The following KIF1A variants were observed in gnomAD, a reference collection of about 807,000 sequenced individuals.
KIF1A encodes kinesin family member 1A.
In KIF1A, 46 loss-of-function variants were observed where a neutral mutation model predicts 227.3. The ratio of observed to expected loss-of-function variants is 0.20; its 90% CI spans 0.16 to 0.26. KIF1A has a LOEUF of 0.26. KIF1A is among the 10% of genes least tolerant of loss of function. The pLI is 1.00. For synonymous variants in KIF1A, 1,022 were observed against 1,012.8 expected (o/e 1.01, Z -0.17); for missense variants, 1,683 against 2,485.9 (o/e 0.68, Z 6.87).
chr2:240,754,232 G>C (rs2049561664), intron 27 of KIF1A, among the ~76,000 whole-genome samples: 1 of 152,198 alleles, frequency 6.6e-6, no homozygotes, highest in Non-Finnish European at 1.5e-5. Flanking sequence ...AAGGACCCCG[G>C]AGGTCTGACA....
intron 28 of KIF1A, among the ~76,000 whole-genome samples, chr2:240,748,919 G>C (rs781577334): frequency 6.6e-6 from 1 of 152,080 alleles, no homozygotes; most frequent in Non-Finnish European, 1.5e-5. Flanking sequence ...TCAGGAGTTC[G>C]AGAGCAGCCT....
Position 240,793,790 on chromosome 2 carries a change from C to T in KIF1A, c.106+3857G>A, listed in dbSNP as rs956530061. 6.6e-6 allele frequency among the ~76,000 whole-genome samples: 1 copy of T among 152,226 alleles called. No individual in the cohort carries two copies. Among genetic ancestry groups the T allele is most frequent in the Non-Finnish European group, 1.5e-5 (1 of 68,048 alleles). ...TGCGTCACAGCGGAGCTACAAGGCA[C>T]GCTTTAGAGAGTGGGGCCTCTCCTC... On this transcript the variant is annotated intron_variant, in intron 2 of 48. Coordinates refer to ENST00000498729, the MANE Select transcript of KIF1A (RefSeq NM_001244008.2). This position sits in a 1 kb window ranked among gnomAD's most constrained non-coding sequence, Gnocchi z 4.8.
chr2:240,812,056 A>C (rs1575675821), intron 1 of KIF1A, among the ~76,000 whole-genome samples: 1 of 152,310 alleles, frequency 6.6e-6, no homozygotes, highest in South Asian at 2.1e-4. Flanking sequence ...AGAGGGGAAC[A>C]GAATCCATTC....
rs537943118 is a variant in KIF1A at position 240,788,982 on chromosome 2, G to A, written c.183+254C>T. Reference sequence around the variant, plus strand: ...TGACTTTGGGATGTCTGGGGGAAAAGTCACCAGCAGATGGACGTACACACA... The same window carrying A: ...TGACTTTGGGATGTCTGGGGGAAAAATCACCAGCAGATGGACGTACACACA... On this transcript the variant is annotated intron_variant, in intron 3 of 48. Coordinates refer to ENST00000498729, the MANE Select transcript of KIF1A (RefSeq NM_001244008.2). This position sits in a 1 kb window ranked among gnomAD's most constrained non-coding sequence, Gnocchi z 6.6. Among the ~76,000 whole-genome samples, 206 of 152,238 alleles carry A rather than the reference G, an allele frequency of 1.4e-3. No homozygotes were observed. Among genetic ancestry groups the A allele is most frequent in the African/African-American group, 4.5e-3 (187 of 41,534 alleles).
chr2:240,749,238 A>T (rs1176767490), intron 28 of KIF1A, among the ~76,000 whole-genome samples: 1 of 152,220 alleles, frequency 6.6e-6, no homozygotes, highest in African/African-American at 2.4e-5. Flanking sequence ...CCAGGATAGC[A>T]GAGCCGGGAG....
At chr2:240,798,464 G>A (rs1458381019) in intron 1 of KIF1A, among the ~76,000 whole-genome samples, 1 of 152,250 alleles carries the variant, frequency 6.6e-6, no homozygotes, top group Non-Finnish European at 1.5e-5. Context: ...AGGAGAAGCA[G>A]GAGACAAGTC....
intron 10 of KIF1A, among the ~76,000 whole-genome samples, chr2:240,781,482 C>CACAT: frequency 7.1e-6 from 1 of 140,332 alleles, no homozygotes. Flanking sequence ...CACACACACA[C>CACAT]ACACAGCTCC....
In KIF1A at chr2:240,760,980, G is replaced by A. The variant is rs1175478029; in HGVS notation, c.2266-137C>T. ...GTTCACTGGAACCTTTCAGACAGCCGCCAGGGGGGACCACCTACTTCCTGC... is the reference window on the plus strand; with the variant it reads ...GTTCACTGGAACCTTTCAGACAGCCACCAGGGGGGACCACCTACTTCCTGC... On this transcript the variant is annotated intron_variant, in intron 24 of 48. Coordinates refer to ENST00000498729, the MANE Select transcript of KIF1A (RefSeq NM_001244008.2). 2.8e-5 allele frequency: 27 copies of A among 963,640 alleles called. No homozygotes were observed. In the East Asian group the frequency reaches 3.9e-4, roughly 14 times the overall value. 59.7% of individuals were successfully genotyped at this position (963,640 alleles called of 1,614,324 possible).
At chr2:240,742,806 G>T in intron 34 of KIF1A, 123 bp downstream of exon 34, 1 of 868,782 alleles carries the variant, frequency 1.2e-6, no homozygotes, top group Non-Finnish European at 1.8e-6. Context: ...GGTGGCGCCA[G>T]AGTGCCTGGG....
intron 1 of KIF1A, among the ~76,000 whole-genome samples, chr2:240,818,503 C>A (rs977925444): frequency 1.3e-5 from 2 of 152,220 alleles, no homozygotes; most frequent in Non-Finnish European, 2.9e-5. Flanking sequence ...TGGCCCATCC[C>A]ACACCCTGCA....
At chr2:240,748,737 C>A in intron 28 of KIF1A, 1 of 263,714 alleles carries the variant, frequency 3.8e-6, no homozygotes, top group South Asian at 3.5e-5. Context: ...TGATTCTCAG[C>A]ACTGTGGTAT....
At position 240,726,449 on chromosome 2, in the gene KIF1A, A is replaced by G. The variant is rs1456495595; in HGVS notation, c.4122+377T>C. On this transcript the variant is annotated intron_variant, in intron 39 of 48. Coordinates refer to ENST00000498729, the MANE Select transcript of KIF1A (RefSeq NM_001244008.2). This position sits in a 1 kb window ranked among gnomAD's most constrained non-coding sequence, Gnocchi z 5.2. ...AACATGGCAAAACCCCATCTCTACT[A>G]AAAGTTCAAAAATTAGCCGGGCGTG... Among the ~76,000 whole-genome samples the G allele has an allele frequency of 6.6e-6, 1 of 152,108 alleles. No individual in the cohort carries two copies. Among genetic ancestry groups the G allele is most frequent in the African/African-American group, 2.4e-5 (1 of 41,404 alleles).
intron 34 of KIF1A, among the ~76,000 whole-genome samples, chr2:240,742,466 T>C (rs755911090): frequency 6.6e-6 from 1 of 152,130 alleles, no homozygotes; most frequent in Non-Finnish European, 1.5e-5. Flanking sequence ...GGATCTCAAG[T>C]GCTATTCCAT....
At chr2:240,771,791 G>A (rs1257847026) in intron 14 of KIF1A, among the ~76,000 whole-genome samples, 1 of 152,208 alleles carries the variant, frequency 6.6e-6, no homozygotes, top group Non-Finnish European at 1.5e-5. Context: ...CATGAGGGAG[G>A]CCCTTCCCCT....
intron 42 of KIF1A, 112 bp from the exon 43 acceptor site, chr2:240,722,768 TC>T: frequency 1.3e-6 from 1 of 796,666 alleles, no homozygotes; most frequent in Admixed American, 3.2e-5. Flanking sequence ...GAGCCCACCC[TC>T]CCCTGGGCTA....
At chr2:240,732,080 A>T (rs1575537119) in intron 38 of KIF1A, among the ~76,000 whole-genome samples, 1 of 42,864 alleles carries the variant, frequency 2.3e-5, no homozygotes, top group Non-Finnish European at 4.4e-5. Flanking sequence ...GGAAGGAGGA[A>T]GAGGGGAGGA....
At chr2:240,808,507 AAATT>A (rs56394472) in intron 1 of KIF1A, among the ~76,000 whole-genome samples, 24 of 149,414 alleles carry the variant, frequency 1.6e-4, no homozygotes, top group South Asian at 8.7e-4. Flanking sequence ...CAAAAAAAAA[AAATT>A]TTTTTTTTTT....
chr2:240,797,431 G>A (rs1056042549), intron 2 of KIF1A, among the ~76,000 whole-genome samples: 2 of 152,170 alleles, frequency 1.3e-5, no homozygotes, highest in African/African-American at 4.8e-5. Context: ...TGGACTTCTG[G>A]CCTCCACAGC....
In KIF1A at chr2:240,788,219, G is replaced by A. The variant is rs1404498915; in HGVS notation, c.195C>T (p.Ile65=). Residue 65 remains isoleucine, a synonymous_variant, in exon 4 of 49, where the codon ATC becomes ATT. Coordinates refer to ENST00000498729, the MANE Select transcript of KIF1A (RefSeq NM_001244008.2). The surrounding 1 kb of genome is among the most constrained non-coding windows in gnomAD (Gnocchi z 6.6). ...SYWSHTSPED[I]NYASQKQVYR... ...ACACCTGCTTCTGCGACGCGTAGTT[G>A]ATGTCCTCAGGCTGGAGGACGAGGA... is the stretch of plus-strand genomic sequence containing the variant. 1.9e-6 allele frequency: 3 copies of A among 1,613,756 alleles called. No homozygotes were observed. The highest frequency in any genetic ancestry group is 1.3e-5 in the African/African-American group (1 of 75,040).
Sources: gnomAD v4.1 joint callset for allele counts (sites outside exome capture counted in the v4.1 genomes callset) on GRCh38, gnomAD v4.1.1 for gene constraint, Gnocchi (gnomAD v3.1) non-coding constraint, MANE v1.5 for transcripts, NCBI Gene and HGNC (gene_info 2026-07-23, HGNC 2026-07-21) for gene names.